CA10: variants seen among roughly 807,000 people sequenced by gnomAD.
CA10 encodes carbonic anhydrase-related protein 10.
CA10 carries 14 observed loss-of-function variants against 44.2 expected under a neutral mutation model. The ratio of observed to expected loss-of-function variants is 0.32; its 90% CI spans 0.21 to 0.50. CA10 has a LOEUF of 0.50. Ranked by LOEUF, CA10 falls within the 20% of genes least tolerant of loss-of-function variation. The probability of loss-of-function intolerance (pLI) is 0.99; values close to 1 mark genes in which losing one functional copy is unlikely to be tolerated. For synonymous variants in CA10, 159 were observed against 141.6 expected, an observed-to-expected ratio of 1.12 and a Z score of -0.87; for missense variants, 350 against 409.7, an observed-to-expected ratio of 0.85 and a Z score of 1.26.
rs551902267 is a variant in CA10, at chr17:51,938,512, T to C, written c.137-7380A>G. 2.2e-4 allele frequency among the ~76,000 whole-genome samples: 33 copies of C among 152,240 alleles called. 1 individual carries two copies. In the South Asian group the frequency reaches 6.0e-3, roughly 28 times the overall value. On this transcript the variant is annotated intron_variant, in intron 2 of 8. Coordinates refer to ENST00000451037, the MANE Select transcript of CA10 (RefSeq NM_020178.5). Reference sequence around the variant, plus strand: ...CATGTGCATTTATTTCTTGGATCCATAGGTCTCAATGTCTGGATAAATGAA... The same window carrying C: ...CATGTGCATTTATTTCTTGGATCCACAGGTCTCAATGTCTGGATAAATGAA...
At chr17:51,822,422 CAAAACAAAAACA>C (rs138516693) in intron 3 of CA10, among the ~76,000 whole-genome samples, 3 of 150,430 alleles carry the variant, frequency 2.0e-5, no homozygotes, top group Non-Finnish European at 4.4e-5. Context: ...CTCAAAAAAA[CAAAACAAAAACA>C]AAAACAAAAA....
chr17:52,026,603 A>G (rs1369238806), intron 2 of CA10, among the ~76,000 whole-genome samples: 1 of 152,120 alleles, frequency 6.6e-6, no homozygotes, highest in East Asian at 1.9e-4. Context: ...GGCCTCAGAA[A>G]ACTAACAATC....
chr17:51,741,241 T>C (rs2143588430), intron 4 of CA10, among the ~76,000 whole-genome samples: 1 of 152,348 alleles, frequency 6.6e-6, no homozygotes, highest in South Asian at 2.1e-4. Context: ...GCCTTGTCCT[T>C]CCAGTGGCTC....
At chr17:51,943,867 G>A (rs1158520300) in intron 2 of CA10, among the ~76,000 whole-genome samples, 2 of 152,142 alleles carry the variant, frequency 1.3e-5, no homozygotes, top group Non-Finnish European at 2.9e-5. Flanking sequence ...GGCCTAAAGG[G>A]AAAAACACAT....
At chr17:51,677,037 T>C (rs1416563083) in intron 4 of CA10, among the ~76,000 whole-genome samples, 1 of 152,130 alleles carries the variant, frequency 6.6e-6, no homozygotes, top group Non-Finnish European at 1.5e-5. Flanking sequence ...CAGGAAGTGG[T>C]AATGTAGTAG....
chr17:52,156,015 G>A (rs2143425847), intron 1 of CA10, among the ~76,000 whole-genome samples: 1 of 152,256 alleles, frequency 6.6e-6, no homozygotes, highest in East Asian at 1.9e-4. Flanking sequence ...GCGAAATTCA[G>A]GGTAAGGGCT....
chr17:51,735,517 A>AC (rs1237019087), intron 4 of CA10, among the ~76,000 whole-genome samples: 12 of 148,816 alleles, frequency 8.1e-5, no homozygotes, highest in Non-Finnish European at 1.6e-4. Context: ...ACGAACATGT[A>AC]CCCCCCACCC....
chr17:52,140,865 C>T (rs1282457033), intron 1 of CA10, among the ~76,000 whole-genome samples: 1 of 152,142 alleles, frequency 6.6e-6, no homozygotes, highest in Non-Finnish European at 1.5e-5. Flanking sequence ...CCTGGTAAAG[C>T]TCATTCAGCT....
At chr17:51,773,190 T>C (rs1366708294) in intron 3 of CA10, among the ~76,000 whole-genome samples, 1 of 152,222 alleles carries the variant, frequency 6.6e-6, no homozygotes, top group African/African-American at 2.4e-5. Context: ...AAAGCTTTCA[T>C]AATCAAAGGT....
chr17:51,793,137 G>A (rs565330482), intron 3 of CA10, among the ~76,000 whole-genome samples: 4 of 152,284 alleles, frequency 2.6e-5, no homozygotes, highest in African/African-American at 9.6e-5. Context: ...AGAGGACCCA[G>A]GATGCCTCAC....
At chr17:52,126,716 T>C (rs1053619300) in intron 1 of CA10, among the ~76,000 whole-genome samples, 2 of 152,222 alleles carry the variant, frequency 1.3e-5, no homozygotes, top group Admixed American at 1.3e-4. Context: ...GGGGCATATG[T>C]GAATTCCAAC....
At position 51,778,367 on chromosome 17, in the gene CA10, A is replaced by T. The variant is rs138024461; in HGVS notation, c.280-30549T>A. Among the ~76,000 whole-genome samples, 388 of 152,292 alleles carry T rather than the reference A, an allele frequency of 2.5e-3. 3 individuals carry two copies. Among genetic ancestry groups the T allele is most frequent in the African/African-American group, 8.9e-3 (368 of 41,568 alleles). The stretch of plus-strand genomic sequence containing the variant: ...CAGCTCACAGCCCTTCAGACCCAGC[A>T]TGCTGTGGAAGTCAAGCTTGGTCAG... On this transcript the variant is annotated intron_variant, in intron 3 of 8. Coordinates refer to ENST00000451037, the MANE Select transcript of CA10 (RefSeq NM_020178.5).
intron 3 of CA10, among the ~76,000 whole-genome samples, chr17:51,887,709 CCCCAGCACTTTGGGAGGCTAGCTTGTAAT>C (rs1238149994): frequency 1.3e-5 from 2 of 151,828 alleles, no homozygotes; most frequent in East Asian, 3.9e-4. Context: ...ACACTTGTAA[CCCCAGCACTTTGGGAGGCTAGCTTGTAAT>C]CCCAGCACTT....
intron 4 of CA10, among the ~76,000 whole-genome samples, chr17:51,715,334 G>A (rs1377652482): frequency 6.6e-6 from 1 of 151,820 alleles, no homozygotes; most frequent in Non-Finnish European, 1.5e-5. Flanking sequence ...ACCTGCACAT[G>A]TACCCTAAAA....
chr17:52,024,970 C>T (rs1986254576), intron 2 of CA10, among the ~76,000 whole-genome samples: 1 of 151,720 alleles, frequency 6.6e-6, no homozygotes, highest in Admixed American at 6.6e-5. Flanking sequence ...TATATACACT[C>T]CCCCAAAAAG....
chr17:51,878,058 T>G (rs546289748), intron 3 of CA10, among the ~76,000 whole-genome samples: 2 of 146,170 alleles, frequency 1.4e-5, no homozygotes, highest in African/African-American at 5.1e-5. Context: ...GCAGGAGAAT[T>G]GCTTGAACCC....
intron 2 of CA10, among the ~76,000 whole-genome samples, chr17:52,040,289 C>G (rs931968374): frequency 6.7e-6 from 1 of 150,368 alleles, no homozygotes; most frequent in Non-Finnish European, 1.5e-5. Flanking sequence ...AATATCTGCT[C>G]TATTTATGAG....
chr17:51,831,397 C>G (rs1460641031), intron 3 of CA10, among the ~76,000 whole-genome samples: 1 of 152,150 alleles, frequency 6.6e-6, no homozygotes, highest in Non-Finnish European at 1.5e-5. Context: ...AGATTCTTGT[C>G]ATGTGACAAG....
rs998467100 is a variant in CA10 at position 51,826,974 on chromosome 17, G to A, written c.280-79156C>T. 4.6e-5 allele frequency among the ~76,000 whole-genome samples: 7 copies of A among 152,014 alleles called. No homozygotes were observed. In the East Asian group the frequency reaches 5.8e-4, roughly 13 times the overall value. On this transcript the variant is annotated intron_variant, in intron 3 of 8. Coordinates refer to ENST00000451037, the MANE Select transcript of CA10 (RefSeq NM_020178.5). The stretch of plus-strand genomic sequence containing the variant: ...TGCAAACAGTCCCTCTACCAAACTC[G>A]CCTCAAGTTCTCCTAATAAGTGCTA...
Sources: gnomAD v4.1 joint callset for allele counts (sites outside exome capture counted in the v4.1 genomes callset) on GRCh38, gnomAD v4.1.1 for gene constraint, MANE v1.5 for transcripts, NCBI Gene and HGNC (gene_info 2026-07-23, HGNC 2026-07-21) for gene names.